TDRKH: variants seen among roughly 807,000 people sequenced by gnomAD.
TDRKH encodes tudor and KH domain-containing protein.
A neutral mutation model predicts 61.3 loss-of-function variants in TDRKH; 28 were observed. That is an observed-to-expected ratio of 0.46 (90% confidence interval 0.34 to 0.63). TDRKH has a LOEUF of 0.63. TDRKH is among the 20% of genes least tolerant of loss of function. TDRKH has a pLI of 0.01. For synonymous variants in TDRKH, 219 were observed against 244.4 expected, an observed-to-expected ratio of 0.90 and a Z score of 0.97; for missense variants, 540 against 683.4, an observed-to-expected ratio of 0.79 and a Z score of 2.34.
intron 3 of TDRKH, among the ~76,000 whole-genome samples, chr1:151,780,873 T>C (rs1238973532): frequency 1.3e-5 from 2 of 148,618 alleles, no homozygotes; most frequent in Non-Finnish European, 3.0e-5. Flanking sequence ...AAAAGGATAA[T>C]TCAAGTTATA....
chr1:151,770,295 G>C, downstream of TDRKH: 1 of 1,599,402 alleles, frequency 6.3e-7, no homozygotes, highest in Non-Finnish European at 8.5e-7. Flanking sequence ...TTCGCGCTGA[G>C]GCAGCTGGAT....
At chr1:151,775,314 GT>G (rs750503610) in intron 10 of TDRKH, 77 bp downstream of exon 10, 19 of 1,559,368 alleles carry the variant, frequency 1.2e-5, no homozygotes, top group Non-Finnish European at 1.6e-5. Flanking sequence ...TCAGATAAGG[GT>G]TTCTGAGGAA....
chr1:151,767,973 A>G (rs558982827), downstream of TDRKH: 64 of 1,545,018 alleles, frequency 4.1e-5, no homozygotes, highest in African/African-American at 7.7e-4. Context: ...CTCCCCATCA[A>G]TGCCCACCTT....
downstream of TDRKH, chr1:151,766,575 A>C: frequency 1.3e-6 from 1 of 765,176 alleles, no homozygotes; most frequent in Non-Finnish European, 2.1e-6. Flanking sequence ...GTAGATAAGC[A>C]GCAGAGTGGA....
chr1:151,773,038 ATTTTGTAT>A (rs575801678), downstream of TDRKH, among the ~76,000 whole-genome samples: 8 of 150,058 alleles, frequency 5.3e-5, no homozygotes, highest in Admixed American at 2.7e-4. Flanking sequence ...TAATTTTTGT[ATTTTGTAT>A]TTTTGTATTT....
intron 1 of TDRKH, among the ~76,000 whole-genome samples, chr1:151,785,836 A>G (rs11204888): frequency 0.32 from 48,647 of 152,146 alleles, 8,264 homozygotes; most frequent in Middle Eastern, 0.45. Flanking sequence ...GGTTAAAAAA[A>G]CACTGAAGAC....
chr1:151,767,136 A>G (rs1387523886), downstream of TDRKH: 1 of 1,612,876 alleles, frequency 6.2e-7, no homozygotes. Context: ...TCCAAGATAA[A>G]CTAATTTGGG....
At chr1:151,776,389 G>T in intron 7 of TDRKH, 50 bp downstream of exon 7, 3 of 1,605,430 alleles carry the variant, frequency 1.9e-6, no homozygotes, top group South Asian at 1.1e-5. Flanking sequence ...CAATGAAAAA[G>T]ATATGCCTTC....
At chr1:151,781,643 A>G (rs1404287958) in intron 2 of TDRKH, 56 bp from the exon 3 acceptor site, 3 of 1,487,068 alleles carry the variant, frequency 2.0e-6, no homozygotes, top group Non-Finnish European at 2.8e-6. Context: ...AGCTAGTATA[A>G]CTACCAGTCC....
At chr1:151,784,730 T>G (rs1402371207) in intron 1 of TDRKH, among the ~76,000 whole-genome samples, 10 of 152,120 alleles carry the variant, frequency 6.6e-5, no homozygotes, top group Non-Finnish European at 1.5e-4. Context: ...CTCACTTTCT[T>G]GGTGATCTCA....
chr1:151,787,626 A>G (rs1211792401), intron 1 of TDRKH, among the ~76,000 whole-genome samples: 3 of 152,020 alleles, frequency 2.0e-5, no homozygotes, highest in African/African-American at 7.2e-5. Flanking sequence ...TTGGGGACAG[A>G]AGGAGGAAGA....
At chr1:151,770,895 AACTC>A (rs1412290402), downstream of TDRKH, among the ~76,000 whole-genome samples, 3 of 152,360 alleles carry the variant, frequency 2.0e-5, no homozygotes, top group African/African-American at 7.2e-5. Context: ...CTGCAGGACT[AACTC>A]ACAGAACAAG....
At chr1:151,789,659 G>A (rs1650707198) in intron 1 of TDRKH, among the ~76,000 whole-genome samples, 1 of 152,206 alleles carries the variant, frequency 6.6e-6, no homozygotes, top group Non-Finnish European at 1.5e-5. Flanking sequence ...AATGACAGGA[G>A]TCAAATAGGA....
chr1:151,777,091 T>A (rs773764688), intron 6 of TDRKH, among the ~76,000 whole-genome samples: 8 of 152,226 alleles, frequency 5.3e-5, no homozygotes, highest in Non-Finnish European at 1.0e-4. Context: ...TAGTGATGAT[T>A]TTTAAAAACA....
At chr1:151,783,528 A>C (rs1481220449) in intron 1 of TDRKH, 1 of 152,404 alleles carries the variant, frequency 6.6e-6, no homozygotes, top group African/African-American at 2.4e-5. Flanking sequence ...TTTACTCCTT[A>C]ACGAACAGTG....
At chr1:151,770,994 C>T, downstream of TDRKH, 1 of 1,498,622 alleles carries the variant, frequency 6.7e-7, no homozygotes, top group Non-Finnish European at 8.9e-7. Context: ...AGGGCCACTC[C>T]CTAGTGGAAG....
chr1:151,788,888 C>T (rs1282322479), intron 1 of TDRKH, among the ~76,000 whole-genome samples: 2 of 152,150 alleles, frequency 1.3e-5, no homozygotes, highest in African/African-American at 4.8e-5. Flanking sequence ...CACAGAATCC[C>T]CAATATCCCT....
rs539547503 is a variant in TDRKH at position 151,790,497 on chromosome 1, G to C, written c.-145C>G. The C allele has an allele frequency of 6.6e-6, 1 of 152,438 alleles. No individual in the cohort carries two copies. The highest frequency in any genetic ancestry group is 1.5e-5 in the Non-Finnish European group (1 of 68,302). The allele number at this position is 152,438 out of a possible 1,614,324, so 9.4% of individuals were successfully genotyped here. On this transcript the variant is annotated 5_prime_UTR_variant, in exon 1 of 13. Coordinates refer to ENST00000368824, the MANE Select transcript of TDRKH (RefSeq NM_001083965.2). ...CGCCTCCCACTCACACCACCACAGT[G>C]AGCCCCGCCGGCGGCGCTTCAGCCG... is the stretch of plus-strand genomic sequence containing the variant.
intron 1 of TDRKH, chr1:151,783,868 C>T (rs1650069396): frequency 6.6e-6 from 1 of 152,254 alleles, no homozygotes; most frequent in Admixed American, 6.5e-5. Flanking sequence ...TGGCCTGATT[C>T]AGAAGCTCAA....
Sources: gnomAD v4.1 joint callset for allele counts (sites outside exome capture counted in the v4.1 genomes callset) on GRCh38, gnomAD v4.1.1 for gene constraint, MANE v1.5 for transcripts, NCBI Gene and HGNC (gene_info 2026-07-23, HGNC 2026-07-21) for gene names.